The following NBEA variants were observed in gnomAD, a reference collection of about 807,000 sequenced individuals.
NBEA encodes the protein lysosomal-trafficking regulator 2.
NBEA carries 44 observed loss-of-function variants against 343.4 expected under a neutral mutation model. That is an observed-to-expected ratio of 0.13 (90% CI 0.10 to 0.16). The LOEUF (loss-of-function observed/expected upper bound fraction) is 0.16, where lower values mean the gene tolerates loss of function less well. Among genes scored for constraint, NBEA ranks in the 10% least tolerant of loss-of-function variants. NBEA has a pLI of 1.00. For missense variants in NBEA, 2,555 were observed against 3,631.3 expected (o/e 0.70, Z 7.62); for synonymous variants, 1,175 against 1,238.7 (o/e 0.95, Z 1.08).
At position 35,516,958 on chromosome 13, in the gene NBEA, T is replaced by C. The variant is rs550479430; in HGVS notation, c.6586-33519T>C. Among the ~76,000 whole-genome samples the C allele has an allele frequency of 2.0e-5, 3 of 152,342 alleles. No individual in the cohort carries two copies. The South Asian group carries it at 6.2e-4, about 32-fold the overall frequency. On this transcript the variant is annotated intron_variant, in intron 41 of 58. Coordinates refer to ENST00000379939, the MANE Select transcript of NBEA (RefSeq NM_001385012.1). ...GTGTTAGGGATTCAAATCTAAATTT[T>C]CCTGGTTCCAAAGATCATGTTCTTT... is the stretch of plus-strand genomic sequence containing the variant.
intron 25 of NBEA, among the ~76,000 whole-genome samples, chr13:35,169,927 T>A (rs1308337320): frequency 6.6e-6 from 1 of 151,782 alleles, no homozygotes; most frequent in East Asian, 1.9e-4. Flanking sequence ...GTGTACTGAA[T>A]TGGCATAATG....
chr13:35,421,304 T>G (rs1022959631), intron 38 of NBEA, among the ~76,000 whole-genome samples: 1 of 152,056 alleles, frequency 6.6e-6, no homozygotes, highest in African/African-American at 2.4e-5. Context: ...AATTCTGTTT[T>G]GATTTATCTA....
chr13:35,252,477 C>T (rs748460366), intron 34 of NBEA, among the ~76,000 whole-genome samples: 5 of 152,194 alleles, frequency 3.3e-5, no homozygotes, highest in Admixed American at 6.5e-5. Context: ...AGCCCCAATT[C>T]GGGGCCTGCT....
intron 38 of NBEA, among the ~76,000 whole-genome samples, chr13:35,361,298 A>G (rs995646498): frequency 8.5e-5 from 13 of 152,226 alleles, no homozygotes; most frequent in African/African-American, 2.4e-4. Context: ...TTCACTAATC[A>G]AAATGTTATC....
chr13:35,041,015 A>G lies in NBEA; in HGVS notation c.377A>G (p.Glu126Gly). Residue 126 changes from glutamate (E) to glycine (G), a missense_variant, in exon 2 of 59, where the codon GAG (glutamate) becomes GGG (glycine). By Grantham distance (98) the Glu-to-Gly change is moderately conservative. Coordinates refer to ENST00000379939, the MANE Select transcript of NBEA (RefSeq NM_001385012.1). ...ATAACATGTATGACAGAGCTTTTGGAGCACTGTGATGTAACATGTCAAGCA... is the reference window on the plus strand; with the variant it reads ...ATAACATGTATGACAGAGCTTTTGGGGCACTGTGATGTAACATGTCAAGCA... ...ESITCMTELL[E>G]HCDVTCQAEI... The G allele has an allele frequency of 6.2e-7, 1 of 1,613,170 alleles. No individual in the cohort carries two copies. Among genetic ancestry groups the G allele is most frequent in the Non-Finnish European group, 8.5e-7 (1 of 1,179,428 alleles).
At chr13:35,141,584 A>G (rs576406238) in intron 17 of NBEA, among the ~76,000 whole-genome samples, 2 of 152,272 alleles carry the variant, frequency 1.3e-5, no homozygotes, top group African/African-American at 4.8e-5. Context: ...AATTCTAAGG[A>G]AGTGACACAA....
At chr13:35,486,781 A>G (rs960365784) in intron 41 of NBEA, among the ~76,000 whole-genome samples, 1 of 152,026 alleles carries the variant, frequency 6.6e-6, no homozygotes, top group Non-Finnish European at 1.5e-5. Flanking sequence ...AAATACTGAG[A>G]TACTTTTATG....
chr13:35,356,617 C>A (rs192183041), intron 38 of NBEA, among the ~76,000 whole-genome samples: 1 of 152,080 alleles, frequency 6.6e-6, no homozygotes, highest in East Asian at 1.9e-4. Flanking sequence ...TTAGAGTGAC[C>A]GTTGATTTTT....
chr13:35,582,273 G>A (rs550307171), intron 45 of NBEA, among the ~76,000 whole-genome samples: 28 of 152,060 alleles, frequency 1.8e-4, no homozygotes, highest in Middle Eastern at 3.4e-3. Context: ...GCAACAGTGC[G>A]AGACTCCATC....
chr13:35,266,642 T>C (rs1435381224), intron 34 of NBEA, among the ~76,000 whole-genome samples: 2 of 151,718 alleles, frequency 1.3e-5, no homozygotes, highest in African/African-American at 4.8e-5. Context: ...GTTAGACTCA[T>C]AGGTATAGAG....
At chr13:35,246,525 G>C (rs1222469390) in intron 34 of NBEA, among the ~76,000 whole-genome samples, 2 of 152,140 alleles carry the variant, frequency 1.3e-5, no homozygotes, top group African/African-American at 4.8e-5. Context: ...GTGGCTTCCT[G>C]CTAGCCAAAC....
intron 36 of NBEA, among the ~76,000 whole-genome samples, chr13:35,325,716 A>T (rs117788482): frequency 0.035 from 5,351 of 152,138 alleles, 139 homozygotes; most frequent in Non-Finnish European, 0.054. Context: ...ATTTATCATA[A>T]ATTTTTTCCC....
intron 35 of NBEA, among the ~76,000 whole-genome samples, chr13:35,308,524 A>G (rs933126848): frequency 1.1e-4 from 13 of 117,598 alleles, no homozygotes; most frequent in African/African-American, 2.6e-4. Flanking sequence ...GTATATATGT[A>G]TATATATGTA....
chr13:35,576,141 T>C (rs2080728688), intron 45 of NBEA, among the ~76,000 whole-genome samples: 2 of 151,052 alleles, frequency 1.3e-5, no homozygotes, highest in Non-Finnish European at 3.0e-5. Flanking sequence ...TTTTGAGACG[T>C]TGTCTCACTT....
At chr13:35,357,631 AT>A (rs1306526537) in intron 38 of NBEA, among the ~76,000 whole-genome samples, 7 of 152,170 alleles carry the variant, frequency 4.6e-5, no homozygotes, top group African/African-American at 1.7e-4. Context: ...AAAGGATATC[AT>A]TTTTTGTTAT....
intron 38 of NBEA, among the ~76,000 whole-genome samples, chr13:35,393,380 A>C (rs1299026608): frequency 6.6e-6 from 1 of 152,150 alleles, no homozygotes; most frequent in Non-Finnish European, 1.5e-5. Context: ...AATTAGGATA[A>C]TTCTATGGCA....
At chr13:35,461,772 G>A (rs532311333) in intron 40 of NBEA, among the ~76,000 whole-genome samples, 60 of 152,298 alleles carry the variant, frequency 3.9e-4, no homozygotes, top group African/African-American at 1.4e-3. Flanking sequence ...AGTTAGAATA[G>A]TGCTATACAG....
intron 38 of NBEA, among the ~76,000 whole-genome samples, chr13:35,428,252 G>C (rs998520404): frequency 1.3e-5 from 2 of 152,012 alleles, no homozygotes; most frequent in African/African-American, 4.8e-5. Context: ...GACCGGAGCT[G>C]TTCCTATTCG....
intron 10 of NBEA, among the ~76,000 whole-genome samples, chr13:35,091,848 C>A (rs2065096432): frequency 6.6e-6 from 1 of 151,906 alleles, no homozygotes; most frequent in South Asian, 2.1e-4. Context: ...ATAAAGATGT[C>A]ATTAAATTGG....
Sources: gnomAD v4.1 joint callset for allele counts (sites outside exome capture counted in the v4.1 genomes callset) on GRCh38, gnomAD v4.1.1 for gene constraint, MANE v1.5 for transcripts, NCBI Gene and HGNC (gene_info 2026-07-23, HGNC 2026-07-21) for gene names.